Variants in MAU2 observed in about 807,000 individuals in gnomAD.
MAU2 encodes the protein MAU2 chromatid cohesion factor homolog.
MAU2 carries 9 observed loss-of-function variants against 89.1 expected under a neutral mutation model. The observed-to-expected ratio is 0.10, with a 90% CI of 0.06 to 0.18. The LOEUF (loss-of-function observed/expected upper bound fraction) is 0.18, where lower values mean the gene tolerates loss of function less well. MAU2 is among the 10% of genes least tolerant of loss of function. The probability of loss-of-function intolerance (pLI) is 1.00; values close to 1 mark genes in which losing one functional copy is unlikely to be tolerated. For missense variants in MAU2, 425 were observed against 803.5 expected (o/e 0.53, Z 5.69); for synonymous variants, 357 against 343.4 (o/e 1.04, Z -0.44).
rs2146722158 is a variant in MAU2 at position 19,358,586 on chromosome 19, T to C, written c.*2804T>C. 6.6e-6 allele frequency: 1 copy of C among 152,374 alleles called. No individual in the cohort carries two copies. Among genetic ancestry groups the C allele is most frequent in the South Asian group, 2.1e-4 (1 of 4,824 alleles). The allele number at this position is 152,374 out of a possible 1,614,324, so 9.4% of individuals were successfully genotyped here. On this transcript the variant is annotated 3_prime_UTR_variant, in exon 19 of 19. Transcript: ENST00000262815. ...AATGTCTTTTAATGGGTTTGTAATATTTGTAACGGTTTTAGCAGCCTATAA... is the reference window on the plus strand; with the variant it reads ...AATGTCTTTTAATGGGTTTGTAATACTTGTAACGGTTTTAGCAGCCTATAA...
intron 9 of MAU2, 104 bp from the exon 10 acceptor site, chr19:19,343,733 T>G: frequency 1.2e-6 from 1 of 803,868 alleles, no homozygotes. Context: ...GGTGGGTGCC[T>G]AGCCAGTGTG....
chr19:19,349,117 A>C (rs566721688), intron 14 of MAU2, 38 bp from the exon 15 acceptor site: 1 of 1,612,070 alleles, frequency 6.2e-7, no homozygotes, highest in East Asian at 2.2e-5. Context: ...CTGCTTCTCA[A>C]AATCACCACC....
rs566192196 is a variant in MAU2 at position 19,339,221 on chromosome 19, G to C, written c.551+282G>C. On this transcript the variant is annotated intron_variant, in intron 5 of 18. Coordinates refer to ENST00000262815, the MANE Select transcript of MAU2 (RefSeq NM_015329.4). ...TCCCAGCACTTTGAGAGGCTAACGTGGGAGGATCACGAGGTCAAGAGATTG... is the reference window on the plus strand; with the variant it reads ...TCCCAGCACTTTGAGAGGCTAACGTCGGAGGATCACGAGGTCAAGAGATTG... 5.9e-5 allele frequency among the ~76,000 whole-genome samples: 9 copies of C among 152,224 alleles called. No homozygotes were observed. The South Asian group carries it at 1.9e-3, about 32-fold the overall frequency.
intron 4 of MAU2, among the ~76,000 whole-genome samples, 191 bp from the exon 5 acceptor site, chr19:19,338,654 A>G (rs973096662): frequency 6.6e-6 from 1 of 152,264 alleles, no homozygotes; most frequent in African/African-American, 2.4e-5. Context: ...TATATACTAC[A>G]GGCCAACTGG....
chr19:19,344,834 ACT>A lies in MAU2; in HGVS notation c.1078-9_1078-8del. 6.2e-7 allele frequency: 1 copy of A among 1,610,594 alleles called. No individual in the cohort carries two copies. The highest frequency in any genetic ancestry group is 8.5e-7 in the Non-Finnish European group (1 of 1,178,002). On this transcript the variant is annotated splice_polypyrimidine_tract_variant and intron_variant, in intron 10 of 18. Coordinates refer to ENST00000262815, the MANE Select transcript of MAU2 (RefSeq NM_015329.4). ...GGTTGCAGTCCTGTGATGGCAGTAC[ACT>A]CTCTCCCGGCAGATCTCCCAGGTCT...
intron 1 of MAU2, among the ~76,000 whole-genome samples, chr19:19,326,721 C>CGTAT (rs1555792868): frequency 3.7e-5 from 3 of 80,992 alleles, no homozygotes; most frequent in African/African-American, 1.2e-4. Flanking sequence ...TATATATATA[C>CGTAT]ATATATATAT....
chr19:19,347,195 C>T (rs758999105), intron 12 of MAU2, 85 bp from the exon 13 acceptor site: 11 of 811,614 alleles, frequency 1.4e-5, no homozygotes, highest in East Asian at 2.4e-5. Context: ...AAAGTAGTCT[C>T]CGTGGAGATT....
chr19:19,331,496 C>G (rs370314710), intron 1 of MAU2, among the ~76,000 whole-genome samples: 1 of 107,304 alleles, frequency 9.3e-6, no homozygotes, highest in East Asian at 3.1e-4. Flanking sequence ...AGTGCAACTC[C>G]GTCTCAAAAA....
intron 1 of MAU2, among the ~76,000 whole-genome samples, chr19:19,332,304 C>A (rs2061561639): frequency 6.8e-6 from 1 of 147,770 alleles, no homozygotes; most frequent in Admixed American, 6.9e-5. Flanking sequence ...GGCATTACAG[C>A]ATGCACCACC....
At chr19:19,338,440 C>T (rs2061614236) in intron 4 of MAU2, among the ~76,000 whole-genome samples, 1 of 152,246 alleles carries the variant, frequency 6.6e-6, no homozygotes, top group African/African-American at 2.4e-5. Flanking sequence ...CAGACTTTGA[C>T]ACTTGCCTCT....
chr19:19,352,619 C>T (rs967260750), intron 16 of MAU2: 1 of 152,278 alleles, frequency 6.6e-6, no homozygotes, highest in African/African-American at 2.4e-5. Context: ...TAAAGTCACA[C>T]AGCCCCAGAC....
At chr19:19,339,058 T>G in intron 5 of MAU2, 119 bp downstream of exon 5, 1 of 766,944 alleles carries the variant, frequency 1.3e-6, no homozygotes, top group Non-Finnish European at 2.1e-6. Context: ...TCACAGTATA[T>G]TCCCAGCACT....
intron 3 of MAU2, among the ~76,000 whole-genome samples, chr19:19,336,597 A>G (rs1033745196): frequency 1.3e-5 from 2 of 152,136 alleles, no homozygotes; most frequent in African/African-American, 4.8e-5. Flanking sequence ...CACTCAGATT[A>G]CTTTCCTGCC....
chr19:19,354,916 C>T (rs1030450757), intron 17 of MAU2, among the ~76,000 whole-genome samples: 2 of 152,170 alleles, frequency 1.3e-5, no homozygotes, highest in African/African-American at 4.8e-5. Flanking sequence ...AGACGGGGTG[C>T]TCCATGTGCA....
intron 12 of MAU2, among the ~76,000 whole-genome samples, chr19:19,346,455 G>A (rs2061693575): frequency 6.6e-6 from 1 of 152,128 alleles, no homozygotes; most frequent in African/African-American, 2.4e-5. Flanking sequence ...CAGGAGTGAT[G>A]GAGCCAGGAT....
chr19:19,340,961 T>C, intron 6 of MAU2, 88 bp downstream of exon 6: 7 of 1,554,098 alleles, frequency 4.5e-6, no homozygotes, highest in Non-Finnish European at 6.2e-6. Context: ...CCCCACCCAC[T>C]CTCCATGGCA....
intron 4 of MAU2, 128 bp from the exon 5 acceptor site, chr19:19,338,717 T>C: frequency 6.1e-6 from 4 of 656,358 alleles, no homozygotes; most frequent in South Asian, 5.8e-5. Flanking sequence ...TTAATTTAGC[T>C]CAAAACTGAC....
At chr19:19,337,361 C>T (rs142960752) in intron 4 of MAU2, 96 bp downstream of exon 4, 10 of 944,050 alleles carry the variant, frequency 1.1e-5, no homozygotes, top group African/African-American at 8.1e-5. Flanking sequence ...GTCCACGATG[C>T]GCAGACCCCC....
chr19:19,327,590 G>A (rs148345090), intron 1 of MAU2, among the ~76,000 whole-genome samples: 1 of 152,236 alleles, frequency 6.6e-6, no homozygotes, highest in South Asian at 2.1e-4. Context: ...CTGCCAAAGT[G>A]CTGGGATTAC....
Sources: gnomAD v4.1 joint callset for allele counts (sites outside exome capture counted in the v4.1 genomes callset) on GRCh38, gnomAD v4.1.1 for gene constraint, MANE v1.5 for transcripts, NCBI Gene and HGNC (gene_info 2026-07-23, HGNC 2026-07-21) for gene names.